The following TMEM132D variants were observed in gnomAD, a reference collection of about 807,000 sequenced individuals.
TMEM132D encodes transmembrane protein 132D.
Under a neutral mutation model 62.3 loss-of-function variants are expected in TMEM132D, and 21 were observed. The ratio of observed to expected loss-of-function variants is 0.34; its 90% CI spans 0.24 to 0.49. TMEM132D has a LOEUF of 0.49. Ranked by LOEUF, TMEM132D falls within the 20% of genes least tolerant of loss-of-function variation. The probability of loss-of-function intolerance (pLI) is 0.99; values close to 1 mark genes in which losing one functional copy is unlikely to be tolerated. For missense variants in TMEM132D, 1,346 were observed against 1,402.8 expected (o/e 0.96, Z 0.65); for synonymous variants, 621 against 575.6 (o/e 1.08, Z -1.13).
At chr12:129,656,644 T>C (rs1372724258) in intron 2 of TMEM132D, among the ~76,000 whole-genome samples, 1 of 152,200 alleles carries the variant, frequency 6.6e-6, no homozygotes, top group East Asian at 1.9e-4. Context: ...AATTGGCGGC[T>C]ACTTCTCAGC....
At chr12:129,727,982 T>C (rs1869098010) in intron 1 of TMEM132D, among the ~76,000 whole-genome samples, 1 of 152,214 alleles carries the variant, frequency 6.6e-6, no homozygotes, top group Non-Finnish European at 1.5e-5. Context: ...TCTTTTCTGA[T>C]CACCGGCTGT....
intron 3 of TMEM132D, among the ~76,000 whole-genome samples, chr12:129,374,175 T>C (rs1460832596): frequency 6.6e-6 from 1 of 151,906 alleles, no homozygotes; most frequent in Non-Finnish European, 1.5e-5. Context: ...TTCTGGAAGA[T>C]GGAAGGTCTG....
At chr12:129,653,008 C>T (rs1879970804) in intron 2 of TMEM132D, among the ~76,000 whole-genome samples, 1 of 152,146 alleles carries the variant, frequency 6.6e-6, no homozygotes, top group African/African-American at 2.4e-5. Context: ...AGGAAGAGAA[C>T]CTGGTGTTAT....
intron 4 of TMEM132D, among the ~76,000 whole-genome samples, chr12:129,271,465 C>T (rs909666548): frequency 6.6e-5 from 10 of 151,548 alleles, no homozygotes; most frequent in East Asian, 1.9e-4. Context: ...CACAGGTATA[C>T]GTGTACCAGG....
intron 3 of TMEM132D, among the ~76,000 whole-genome samples, chr12:129,382,852 G>A (rs1455606287): frequency 6.6e-6 from 1 of 152,146 alleles, no homozygotes; most frequent in Non-Finnish European, 1.5e-5. Flanking sequence ...ACGGCTGGTG[G>A]TGCTGTTGCG....
At chr12:129,258,641 C>A (rs951562535) in intron 4 of TMEM132D, among the ~76,000 whole-genome samples, 2 of 152,142 alleles carry the variant, frequency 1.3e-5, no homozygotes, top group South Asian at 2.1e-4. Context: ...TAGTCAGTCA[C>A]GTAATATGTG....
intron 4 of TMEM132D, among the ~76,000 whole-genome samples, chr12:129,218,468 G>A (rs1190504813): frequency 6.6e-6 from 1 of 152,174 alleles, no homozygotes; most frequent in Non-Finnish European, 1.5e-5. Context: ...GAATGCTACA[G>A]GCAGCTGAAA....
rs1483474446 is a variant in TMEM132D at position 129,251,366 on chromosome 12, AAAAAAAAAAAAAAAAAAG to A, written c.1300-41721_1300-41704del. 3.4e-5 allele frequency among the ~76,000 whole-genome samples: 5 copies of A among 148,778 alleles called. No homozygotes were observed. The East Asian group carries it at 1.0e-3, about 30-fold the overall frequency. On this transcript the variant is annotated intron_variant, in intron 4 of 8. Coordinates refer to ENST00000422113, the MANE Select transcript of TMEM132D (RefSeq NM_133448.3). ...GAGTGAGACACTGTCTCAAAAAAAA[AAAAAAAAAAAAAAAAAAG>A]AAGAGAGAAAAGGGAAGCTGTTACG...
At chr12:129,839,489 C>T (rs1411478443) in intron 1 of TMEM132D, among the ~76,000 whole-genome samples, 2 of 151,786 alleles carry the variant, frequency 1.3e-5, no homozygotes, top group African/African-American at 4.8e-5. Context: ...TCTTGAACTC[C>T]TGACCTCAGG....
intron 2 of TMEM132D, among the ~76,000 whole-genome samples, chr12:129,548,049 C>T (rs1032358796): frequency 1.3e-5 from 2 of 152,196 alleles, no homozygotes; most frequent in Non-Finnish European, 1.5e-5. Flanking sequence ...CGCCAGGCTA[C>T]AGAGTAGAGT....
intron 5 of TMEM132D, among the ~76,000 whole-genome samples, chr12:129,146,728 C>G (rs1015424120): frequency 2.0e-5 from 3 of 152,176 alleles, no homozygotes; most frequent in African/African-American, 7.2e-5. Context: ...GCTACATATC[C>G]TCCAGATCTC....
chr12:129,536,844 C>T (rs950186738), intron 2 of TMEM132D, among the ~76,000 whole-genome samples: 1 of 152,152 alleles, frequency 6.6e-6, no homozygotes, highest in Non-Finnish European at 1.5e-5. Flanking sequence ...CTTTGTCATG[C>T]ACCCCTATCA....
intron 1 of TMEM132D, among the ~76,000 whole-genome samples, chr12:129,820,400 C>G (rs939832938): frequency 6.6e-6 from 1 of 152,172 alleles, no homozygotes; most frequent in African/African-American, 2.4e-5. Flanking sequence ...TTATTCGAGT[C>G]TGGCAGAGCT....
intron 3 of TMEM132D, among the ~76,000 whole-genome samples, chr12:129,351,403 T>G (rs2135668237): frequency 6.6e-6 from 1 of 152,304 alleles, no homozygotes; most frequent in African/African-American, 2.4e-5. Context: ...CTGCTGCAGC[T>G]TTCAATAATA....
At chr12:129,202,460 T>C (rs1247870011) in intron 5 of TMEM132D, among the ~76,000 whole-genome samples, 1 of 152,194 alleles carries the variant, frequency 6.6e-6, no homozygotes, top group Non-Finnish European at 1.5e-5. Context: ...GGATGTAAAA[T>C]AAATGCTGTG....
intron 2 of TMEM132D, among the ~76,000 whole-genome samples, chr12:129,571,864 T>TTA (rs1555219037): frequency 6.6e-5 from 10 of 151,822 alleles, no homozygotes; most frequent in Admixed American, 4.6e-4. Flanking sequence ...AGTTTTTTTT[T>TTA]AAAAAAAGCA....
intron 2 of TMEM132D, among the ~76,000 whole-genome samples, chr12:129,594,054 T>C (rs911133255): frequency 6.6e-6 from 1 of 152,228 alleles, no homozygotes; most frequent in South Asian, 2.1e-4. Context: ...GGCTCACTTC[T>C]GGCTTCCGTG....
intron 1 of TMEM132D, among the ~76,000 whole-genome samples, chr12:129,715,102 C>T (rs1206777203): frequency 6.6e-6 from 1 of 152,150 alleles, no homozygotes; most frequent in African/African-American, 2.4e-5. Context: ...AGGGATTTAA[C>T]AGCTTAAAGA....
intron 2 of TMEM132D, among the ~76,000 whole-genome samples, chr12:129,652,067 C>T (rs1319263601): frequency 6.6e-6 from 1 of 152,180 alleles, no homozygotes; most frequent in Non-Finnish European, 1.5e-5. Flanking sequence ...TCTCAGTCAG[C>T]CAGCATAGGA....
Sources: allele counts gnomAD v4.1 joint callset (sites outside exome capture counted in the v4.1 genomes callset), GRCh38; gene constraint gnomAD v4.1.1; transcripts MANE v1.5; gene names NCBI Gene and HGNC (gene_info 2026-07-23, HGNC 2026-07-21).